The following CFAP77 variants were observed in gnomAD, a reference collection of about 807,000 sequenced individuals.
The protein encoded by CFAP77 is cilia and flagella associated protein 77.
A neutral mutation model predicts 31.1 loss-of-function variants in CFAP77; 25 were observed. The ratio of observed to expected loss-of-function variants is 0.80; its 90% confidence interval spans 0.59 to 1.12. CFAP77 has a LOEUF of 1.12. Among genes scored for constraint, CFAP77 ranks in the 50% most tolerant of loss-of-function variants. The probability of loss-of-function intolerance (pLI) is 0.00; values close to 1 mark genes in which losing one functional copy is unlikely to be tolerated. For missense variants in CFAP77, 377 were observed against 397.3 expected, an observed-to-expected ratio of 0.95 and a Z score of 0.44; for synonymous variants, 151 against 159.9, an observed-to-expected ratio of 0.94 and a Z score of 0.42.
At chr9:132,496,030 T>G (rs1851736274) in intron 1 of CFAP77, among the ~76,000 whole-genome samples, 1 of 152,180 alleles carries the variant, frequency 6.6e-6, no homozygotes, top group Non-Finnish European at 1.5e-5. Flanking sequence ...GACTAAGACA[T>G]AGTATTTTAC....
chr9:132,446,273 GA>G (rs573957989), intron 1 of CFAP77, among the ~76,000 whole-genome samples: 207 of 152,230 alleles, frequency 1.4e-3, no homozygotes, highest in Non-Finnish European at 1.9e-3. Context: ...GAGCAGGGCT[GA>G]ACCCTGATCC....
intron 1 of CFAP77, among the ~76,000 whole-genome samples, chr9:132,438,541 A>ATATATATATATATATATATATT: frequency 4.6e-5 from 5 of 108,152 alleles, no homozygotes; most frequent in Non-Finnish European, 5.4e-5. Context: ...ATATATATAT[A>ATATATATATATATATATATATT]TTTTTTTTTT....
intron 1 of CFAP77, among the ~76,000 whole-genome samples, chr9:132,411,272 C>G (rs1252386951): frequency 3.9e-5 from 6 of 152,148 alleles, no homozygotes; most frequent in Non-Finnish European, 5.9e-5. Flanking sequence ...TTTAAAAATG[C>G]GCCCCGCGTC....
At chr9:132,478,908 G>A (rs1453886476) in intron 1 of CFAP77, among the ~76,000 whole-genome samples, 5 of 150,602 alleles carry the variant, frequency 3.3e-5, no homozygotes, top group African/African-American at 9.8e-5. Context: ...ATTATAGGCT[G>A]GTCTATAAAC....
chr9:132,477,493 G>T (rs1851368953), intron 1 of CFAP77, among the ~76,000 whole-genome samples: 1 of 152,222 alleles, frequency 6.6e-6, no homozygotes, highest in South Asian at 2.1e-4. Flanking sequence ...GAAACACAAA[G>T]CCAGGCAGGG....
chr9:132,458,356 G>T (rs572137971), intron 1 of CFAP77, among the ~76,000 whole-genome samples: 5 of 135,856 alleles, frequency 3.7e-5, no homozygotes, highest in African/African-American at 5.5e-5. Flanking sequence ...GGAGGGGGGG[G>T]GGTGTGTATG....
chr9:132,532,400 A>AG (rs1852468660), intron 3 of CFAP77, among the ~76,000 whole-genome samples: 1 of 152,256 alleles, frequency 6.6e-6, no homozygotes, highest in Non-Finnish European at 1.5e-5. Context: ...GCGATAGGGC[A>AG]GGGTGAGGCC....
Position 132,480,558 on chromosome 9 carries a change from G to A in CFAP77, c.196-18137G>A, listed in dbSNP as rs553411197. On this transcript the variant is annotated intron_variant, in intron 1 of 5. Coordinates refer to ENST00000393216, the MANE Select transcript of CFAP77 (RefSeq NM_001282957.2). The surrounding 1 kb of genome is among the most constrained non-coding windows in gnomAD (Gnocchi z 5.8). ...ACAGCAAATGAGACAGGTCTGTCCC[G>A]TGCTCACCCAGCTGACCTGCCGCAG... is the stretch of plus-strand genomic sequence containing the variant. 2.5e-4 allele frequency among the ~76,000 whole-genome samples: 38 copies of A among 152,172 alleles called. No individual in the cohort carries two copies. Among genetic ancestry groups the A allele is most frequent in the Non-Finnish European group, 3.7e-4 (25 of 68,036 alleles).
intron 4 of CFAP77, among the ~76,000 whole-genome samples, chr9:132,541,419 T>C (rs183230048): frequency 1.3e-5 from 2 of 152,320 alleles, no homozygotes; most frequent in African/African-American, 2.4e-5. Context: ...GGTTCAAAGA[T>C]AGTTTCAAAA....
At chr9:132,416,952 T>C (rs1298040600) in intron 1 of CFAP77, among the ~76,000 whole-genome samples, 1 of 151,468 alleles carries the variant, frequency 6.6e-6, no homozygotes, top group Non-Finnish European at 1.5e-5. Context: ...TTTGTATTAG[T>C]TTTTTTTAAT....
At chr9:132,478,538 G>A (rs579315) in intron 1 of CFAP77, among the ~76,000 whole-genome samples, 101,087 of 152,032 alleles carry the variant, frequency 0.66, 34,706 homozygotes, top group East Asian at 0.85. Flanking sequence ...TTGCTCCCAA[G>A]TAAGCAAAAG....
intron 5 of CFAP77, 146 bp from the exon 6 acceptor site, chr9:132,572,242 T>C: frequency 9.6e-7 from 1 of 1,038,034 alleles, no homozygotes; most frequent in Non-Finnish European, 1.4e-6. Context: ...ACCAGGAGGC[T>C]CACAGCACTT....
At chr9:132,559,885 C>A (rs1452506924) in intron 5 of CFAP77, among the ~76,000 whole-genome samples, 1 of 152,148 alleles carries the variant, frequency 6.6e-6, no homozygotes, top group African/African-American at 2.4e-5. Flanking sequence ...CGTGGATGAA[C>A]CTTGAAAACA....
chr9:132,542,922 C>T, intron 4 of CFAP77, 24 bp from the exon 5 acceptor site: 1 of 1,592,686 alleles, frequency 6.3e-7, no homozygotes, highest in South Asian at 1.1e-5. Flanking sequence ...AACCATCTCA[C>T]CTTTGCCTTT....
At chr9:132,445,269 T>C (rs1850690189) in intron 1 of CFAP77, among the ~76,000 whole-genome samples, 1 of 152,064 alleles carries the variant, frequency 6.6e-6, no homozygotes, top group South Asian at 2.1e-4. Flanking sequence ...CCACTGTGCC[T>C]GGCCTCACTG....
chr9:132,570,661 G>A (rs542397648), intron 5 of CFAP77, among the ~76,000 whole-genome samples: 9 of 152,260 alleles, frequency 5.9e-5, no homozygotes, highest in Non-Finnish European at 1.0e-4. Context: ...GTCCACATCC[G>A]CTAGAAGGTG....
intron 1 of CFAP77, among the ~76,000 whole-genome samples, chr9:132,441,310 G>GT (rs1009294074): frequency 6.6e-6 from 1 of 152,148 alleles, no homozygotes; most frequent in Non-Finnish European, 1.5e-5. Context: ...GAGTGACAAG[G>GT]TATCTTTCTG....
rs919549548 is a variant in CFAP77 at position 132,484,736 on chromosome 9, A to T, written c.196-13959A>T. On this transcript the variant is annotated intron_variant, in intron 1 of 5. Transcript: ENST00000393216. ...ATGCCTGTTTTCTTTTTTTTTTTAA[A>T]TTTTTGTGGGTACATAGTAGCTATA... Among the ~76,000 whole-genome samples the T allele has an allele frequency of 9.9e-5, 15 of 151,336 alleles. 1 individual carries two copies. The highest frequency in any genetic ancestry group is 2.6e-4 in the Admixed American group (4 of 15,188).
chr9:132,523,606 AG>A (rs1852308013), intron 3 of CFAP77, among the ~76,000 whole-genome samples: 1 of 152,178 alleles, frequency 6.6e-6, no homozygotes, highest in African/African-American at 2.4e-5. Context: ...TGGGAGGCAC[AG>A]GGGGGTCCGA....
Sources: gnomAD v4.1 joint callset for allele counts (sites outside exome capture counted in the v4.1 genomes callset) on GRCh38, gnomAD v4.1.1 for gene constraint, Gnocchi (gnomAD v3.1) non-coding constraint, MANE v1.5 for transcripts, NCBI Gene and HGNC (gene_info 2026-07-23, HGNC 2026-07-21) for gene names.